The following C2orf42 variants were observed in gnomAD, a reference collection of about 807,000 sequenced individuals.
The protein encoded by C2orf42 is chromosome 2 open reading frame 42.
C2orf42 carries 44 observed loss-of-function variants against 58.9 expected under a neutral mutation model. The ratio of observed to expected loss-of-function variants is 0.75; its 90% CI spans 0.59 to 0.96. The LOEUF (loss-of-function observed/expected upper bound fraction) is 0.96, where lower values mean the gene tolerates loss of function less well. Ranked by LOEUF, C2orf42 falls within the 40% of genes least tolerant of loss-of-function variation. The pLI, the probability that C2orf42 is intolerant of heterozygous loss-of-function variation, is 0.00. For synonymous variants in C2orf42, 239 were observed against 265.4 expected, an observed-to-expected ratio of 0.90 and a Z score of 0.97; for missense variants, 630 against 699.2, an observed-to-expected ratio of 0.90 and a Z score of 1.12.
At chr2:70,171,256 T>C (rs1673799186) in intron 5 of C2orf42, among the ~76,000 whole-genome samples, 1 of 152,134 alleles carries the variant, frequency 6.6e-6, no homozygotes, top group Non-Finnish European at 1.5e-5. Flanking sequence ...AGGCTGGGTG[T>C]AGAGTGAGAC....
intron 5 of C2orf42, among the ~76,000 whole-genome samples, chr2:70,170,286 G>A (rs7590105): frequency 0.15 from 22,291 of 148,226 alleles, 2,645 homozygotes; most frequent in African/African-American, 0.32. Context: ...TCACTCTGTC[G>A]CCCTGGTTGG....
intron 1 of C2orf42, among the ~76,000 whole-genome samples, chr2:70,187,407 C>T (rs564382704): frequency 1.9e-4 from 29 of 152,042 alleles, no homozygotes; most frequent in Admixed American, 1.0e-3. Flanking sequence ...CCTGCTACCA[C>T]GCCCAGCTAA....
chr2:70,182,982 T>G (rs1025153388), intron 1 of C2orf42, 47 bp from the exon 2 acceptor site: 2 of 152,208 alleles, frequency 1.3e-5, no homozygotes, highest in African/African-American at 4.8e-5. Flanking sequence ...AAAGACAGGA[T>G]GATTCTTTCG....
At position 70,167,720 on chromosome 2, in the gene C2orf42, G is replaced by C. The variant is rs904950144; in HGVS notation, c.1144+1837C>G. 3.3e-4 allele frequency among the ~76,000 whole-genome samples: 50 copies of C among 151,994 alleles called. 1 individual carries two copies. The highest frequency in any genetic ancestry group is 4.4e-5 in the Non-Finnish European group (3 of 68,022). On this transcript the variant is annotated intron_variant, in intron 6 of 9. Coordinates refer to ENST00000264434, the MANE Select transcript of C2orf42 (RefSeq NM_017880.3). ...TGTACCACTGCACTCCAGCCTGTGT[G>C]ACAGAGCAAGACTGTCTCAAAAAAT...
Position 70,179,955 on chromosome 2 carries a change from A to C in C2orf42, c.824-313T>G, listed in dbSNP as rs140426381. The stretch of plus-strand genomic sequence containing the variant: ...CGCTGTCTCAAAAAACAAACCAAAA[A>C]CAAAAACAAAAAAAAAATTATGGAG... On this transcript the variant is annotated intron_variant, in intron 3 of 9. Coordinates refer to ENST00000264434, the MANE Select transcript of C2orf42 (RefSeq NM_017880.3). Among the ~76,000 whole-genome samples the C allele has an allele frequency of 2.7e-3, 411 of 152,056 alleles. 1 individual carries two copies. Among genetic ancestry groups the C allele is most frequent in the African/African-American group, 9.5e-3 (394 of 41,466 alleles).
intron 9 of C2orf42, among the ~76,000 whole-genome samples, chr2:70,157,246 A>C (rs937064862): frequency 6.7e-6 from 1 of 149,208 alleles, no homozygotes; most frequent in Non-Finnish European, 1.5e-5. Flanking sequence ...CGAGGTCAGG[A>C]GATCGAGACC....
chr2:70,153,365 CTTTT>C (rs1179352686), intron 9 of C2orf42, among the ~76,000 whole-genome samples: 1 of 131,958 alleles, frequency 7.6e-6, no homozygotes, highest in African/African-American at 2.8e-5. Flanking sequence ...CTGGACAGAT[CTTTT>C]TTTTTTTTTT....
intron 1 of C2orf42, among the ~76,000 whole-genome samples, chr2:70,188,035 C>T (rs1472008926): frequency 1.3e-5 from 2 of 152,128 alleles, no homozygotes; most frequent in Admixed American, 6.6e-5. Flanking sequence ...ACAGAGACTT[C>T]CTACCTACCT....
At chr2:70,176,402 G>A (rs1260916621) in intron 4 of C2orf42, among the ~76,000 whole-genome samples, 2 of 151,974 alleles carry the variant, frequency 1.3e-5, no homozygotes, top group Admixed American at 6.6e-5. Context: ...TACTCAGGAG[G>A]CTGAGGCAGG....
Position 70,179,563 on chromosome 2 carries a change from CT to C in C2orf42, c.902del (p.Lys301SerfsTer15). On this transcript the variant is annotated frameshift_variant, in exon 4 of 10. Transcript: ENST00000264434. LOFTEE classifies it high-confidence loss of function. ...CTTCATCCTTTCTCCTCTTCTTTGA[CT>C]TAGAGGCAGTAGACTCACAAGCAGA... is the stretch of plus-strand genomic sequence containing the variant. ...TVSACESTAS[K>X]SKKRRKDEVS... 6.4e-7 allele frequency: 1 copy of C among 1,551,616 alleles called. No individual in the cohort carries two copies. Among genetic ancestry groups the C allele is most frequent in the Non-Finnish European group, 8.9e-7 (1 of 1,124,056 alleles).
At chr2:70,164,356 C>T (rs1037472808) in intron 8 of C2orf42, among the ~76,000 whole-genome samples, 1 of 151,134 alleles carries the variant, frequency 6.6e-6, no homozygotes, top group Non-Finnish European at 1.5e-5. Flanking sequence ...TTTAAAGGGT[C>T]ATTTCTCGGG....
intron 1 of C2orf42, among the ~76,000 whole-genome samples, chr2:70,188,885 T>C (rs1675130969): frequency 6.6e-6 from 1 of 152,204 alleles, no homozygotes; most frequent in African/African-American, 2.4e-5. Flanking sequence ...TATATTTTGA[T>C]TTGATATTCT....
intron 2 of C2orf42, 37 bp from the exon 3 acceptor site, chr2:70,182,034 C>A: frequency 1.1e-6 from 1 of 906,558 alleles, no homozygotes; most frequent in Middle Eastern, 2.9e-4. Context: ...ATGAGTATAC[C>A]TTCACACACA....
chr2:70,161,836 G>A (rs1160720226), intron 8 of C2orf42, among the ~76,000 whole-genome samples: 8 of 131,508 alleles, frequency 6.1e-5, no homozygotes, highest in Admixed American at 1.7e-4. Context: ...GTGAAAGTCC[G>A]TGTCAAAAAA....
intron 9 of C2orf42, among the ~76,000 whole-genome samples, chr2:70,156,007 T>C (rs1672650582): frequency 6.6e-6 from 1 of 151,430 alleles, no homozygotes; most frequent in South Asian, 2.1e-4. Flanking sequence ...AATACAAAAT[T>C]AGCTGGGCAT....
rs775176259 is a variant in C2orf42, at chr2:70,160,597, G to C, written c.1516+28C>G. The C allele has an allele frequency of 4.5e-6, 7 of 1,558,446 alleles. No individual in the cohort carries two copies. In the East Asian group the frequency reaches 1.1e-4, roughly 25 times the overall value. On this transcript the variant is annotated intron_variant, in intron 9 of 9. Coordinates refer to ENST00000264434, the MANE Select transcript of C2orf42 (RefSeq NM_017880.3). ...TACTGTTCACCAGCTGACACTCAAA[G>C]GAAGATGCAGTTTTGAAGTTCACTT...
chr2:70,178,444 T>C (rs1674336159), intron 4 of C2orf42, among the ~76,000 whole-genome samples: 1 of 150,748 alleles, frequency 6.6e-6, no homozygotes. Flanking sequence ...CCGTCTCTAC[T>C]AAAAATACAA....
At chr2:70,162,172 C>T (rs28832286) in intron 8 of C2orf42, among the ~76,000 whole-genome samples, 2 of 151,510 alleles carry the variant, frequency 1.3e-5, no homozygotes, top group Admixed American at 1.3e-4. Context: ...CCACCACGCC[C>T]GGCTAATTTT....
intron 1 of C2orf42, among the ~76,000 whole-genome samples, chr2:70,187,383 G>A (rs1018078532): frequency 1.3e-5 from 2 of 149,574 alleles, no homozygotes; most frequent in East Asian, 2.0e-4. Flanking sequence ...CCTGAGTAGC[G>A]GGGATTACAG....
Sources: allele counts gnomAD v4.1 joint callset (sites outside exome capture counted in the v4.1 genomes callset), GRCh38; gene constraint gnomAD v4.1.1; transcripts MANE v1.5; gene names NCBI Gene and HGNC (gene_info 2026-07-23, HGNC 2026-07-21).